SACM1L: variants seen among roughly 807,000 people sequenced by gnomAD.
The protein encoded by SACM1L is phosphatidylinositol-3-phosphatase SAC1.
A neutral mutation model predicts 89.5 loss-of-function variants in SACM1L; 32 were observed. That is an observed-to-expected ratio of 0.36 (90% CI 0.27 to 0.48). The LOEUF (loss-of-function observed/expected upper bound fraction) is 0.48. SACM1L is among the 20% of genes least tolerant of loss of function. The pLI is 0.99. For missense variants in SACM1L, 543 were observed against 708.5 expected (o/e 0.77, Z 2.65); for synonymous variants, 213 against 232.8 (o/e 0.92, Z 0.77).
intron 4 of SACM1L, among the ~76,000 whole-genome samples, chr3:45,707,635 G>A (rs1447203530): frequency 1.3e-5 from 2 of 152,166 alleles, no homozygotes; most frequent in South Asian, 4.1e-4. Context: ...TGGTGCAGGC[G>A]AACTGACCGA....
At chr3:45,743,133 TTA>T (rs1699351905) in intron 19 of SACM1L, among the ~76,000 whole-genome samples, 1 of 152,212 alleles carries the variant, frequency 6.6e-6, no homozygotes, top group Non-Finnish European at 1.5e-5. Context: ...CTCATATCTG[TTA>T]TAGAACTATG....
Position 45,735,356 on chromosome 3 carries a change from C to A in SACM1L, c.1222C>A (p.Leu408Ile). The part of the protein sequence containing the change: ...VIQSLLARRS[L>I]QAQLQRLGVL... ...CCAGAGTTTGTTAGCTCGTCGTTCACTTCAGGCCCAACTTCAGGTGCGAAT... is the reference window on the plus strand; with the variant it reads ...CCAGAGTTTGTTAGCTCGTCGTTCAATTCAGGCCCAACTTCAGGTGCGAAT... Residue 408 changes from leucine to isoleucine, a missense_variant, in exon 14 of 20, where the codon CTT becomes ATT. Physicochemically the swap from Leu to Ile is conservative, Grantham distance 5. Coordinates refer to ENST00000389061, the MANE Select transcript of SACM1L (RefSeq NM_014016.5). 2 of 1,540,592 alleles carry A rather than the reference C, an allele frequency of 1.3e-6. No individual in the cohort carries two copies. Among genetic ancestry groups the A allele is most frequent in the South Asian group, 2.5e-5 (2 of 80,980 alleles).
intron 11 of SACM1L, among the ~76,000 whole-genome samples, chr3:45,725,999 T>C (rs1698909677): frequency 6.6e-6 from 1 of 152,114 alleles, no homozygotes; most frequent in Non-Finnish European, 1.5e-5. Flanking sequence ...TGGTATGTTA[T>C]ACTGATGGAT....
Position 45,744,511 on chromosome 3 carries a change from A to G in SACM1L, c.*842A>G, listed in dbSNP as rs1699382935. The G allele has an allele frequency of 6.6e-6, 1 of 152,594 alleles. No homozygotes were observed. Among genetic ancestry groups the G allele is most frequent in the Non-Finnish European group, 1.5e-5 (1 of 68,034 alleles). 9.5% of individuals were successfully genotyped at this position (152,594 alleles called of 1,614,324 possible). ...GTTTCTTTGAGGGTCACTCATTGAG[A>G]CACGCAGGCCTCTGAGAGGGTCTTG... On this transcript the variant is annotated 3_prime_UTR_variant, in exon 20 of 20. Transcript: ENST00000389061.
chr3:45,743,154 TTAA>T lies in SACM1L; in HGVS notation c.1628-376_1628-374del, dbSNP rs529112340. Among the ~76,000 whole-genome samples, 175 of 152,350 alleles carry T rather than the reference TTAA, an allele frequency of 1.1e-3. 1 individual carries two copies. Among genetic ancestry groups the T allele is most frequent in the Non-Finnish European group, 2.1e-3 (145 of 68,046 alleles). On this transcript the variant is annotated intron_variant, in intron 19 of 19. Transcript: ENST00000389061. ...TCTGTTATAGAACTATGAATTAAAC[TTAA>T]TAGTTATTTGTATTATTAAAATATA...
At chr3:45,719,841 ATGT>A (rs1410171657) in intron 8 of SACM1L, among the ~76,000 whole-genome samples, 1 of 152,170 alleles carries the variant, frequency 6.6e-6, no homozygotes, top group Non-Finnish European at 1.5e-5. Flanking sequence ...GGAACTGATC[ATGT>A]TGTTTGCTGG....
At chr3:45,731,912 C>G in intron 12 of SACM1L, 141 bp from the exon 13 acceptor site, 1 of 565,500 alleles carries the variant, frequency 1.8e-6, no homozygotes, top group East Asian at 2.9e-5. Context: ...TAGTGATAAA[C>G]CCAGAGTGAA....
At chr3:45,695,368 C>A (rs1034988745) in intron 1 of SACM1L, among the ~76,000 whole-genome samples, 1 of 151,944 alleles carries the variant, frequency 6.6e-6, no homozygotes, top group Non-Finnish European at 1.5e-5. Context: ...TCAAGTGATT[C>A]TTGTGCCTCA....
At chr3:45,700,353 A>C (rs1575386358) in intron 1 of SACM1L, among the ~76,000 whole-genome samples, 1 of 152,236 alleles carries the variant, frequency 6.6e-6, no homozygotes, top group East Asian at 1.9e-4. Flanking sequence ...TATTATGAAG[A>C]AAATGGTTGT....
chr3:45,689,685 C>T (rs1697920950), intron 1 of SACM1L, 188 bp downstream of exon 1: 2 of 674,408 alleles, frequency 3.0e-6, no homozygotes, highest in East Asian at 5.5e-5. Context: ...CGGGAACCAG[C>T]GGCTCGCCGG....
chr3:45,729,967 A>G (rs1369421159), intron 11 of SACM1L, among the ~76,000 whole-genome samples: 4 of 151,674 alleles, frequency 2.6e-5, no homozygotes, highest in African/African-American at 9.7e-5. Flanking sequence ...TTGGCTTCTT[A>G]TAATAATTTT....
chr3:45,700,337 T>G (rs893522813), intron 1 of SACM1L, among the ~76,000 whole-genome samples: 10 of 152,324 alleles, frequency 6.6e-5, no homozygotes, highest in African/African-American at 2.2e-4. Context: ...GATGTAGACC[T>G]CTGAGTATTA....
intron 4 of SACM1L, 188 bp downstream of exon 4, chr3:45,707,095 T>TA: frequency 1.1e-5 from 3 of 283,230 alleles, no homozygotes; most frequent in Non-Finnish European, 1.9e-5. Flanking sequence ...GTTGCTCTTG[T>TA]TTTTTTTTTT....
At chr3:45,723,174 G>A (rs1020875998) in intron 10 of SACM1L, among the ~76,000 whole-genome samples, 1 of 152,138 alleles carries the variant, frequency 6.6e-6, no homozygotes, top group African/African-American at 2.4e-5. Context: ...GGCATGGCAA[G>A]TAAGGATTTG....
intron 1 of SACM1L, among the ~76,000 whole-genome samples, chr3:45,699,300 T>A (rs995384736): frequency 5.3e-5 from 8 of 150,392 alleles, no homozygotes; most frequent in Non-Finnish European, 1.2e-4. Context: ...AATAAATAAA[T>A]AAAAAAATAA....
rs571225761 is a variant in SACM1L, at chr3:45,706,655, T to C, written c.206-125T>C. ...TGTAAGGTTGCTTTAAAAATGGGCC[T>C]TTTATCTGAGTGGCACAATATAGTC... On this transcript the variant is annotated intron_variant, in intron 3 of 19. Coordinates refer to ENST00000389061, the MANE Select transcript of SACM1L (RefSeq NM_014016.5). The C allele has an allele frequency of 1.6e-4, 106 of 676,972 alleles. No individual in the cohort carries two copies. In the African/African-American group the frequency reaches 1.7e-3, roughly 11 times the overall value. 41.9% of individuals were successfully genotyped at this position (676,972 alleles called of 1,614,324 possible). A position where few individuals can be genotyped will look rare whatever the true frequency, so the allele number is the denominator to read the frequency against.
chr3:45,709,435 CT>C, intron 4 of SACM1L, 62 bp from the exon 5 acceptor site: 1 of 1,414,172 alleles, frequency 7.1e-7, no homozygotes, highest in Non-Finnish European at 9.7e-7. Context: ...AATTTGTATT[CT>C]TTTCTCATGC....
intron 4 of SACM1L, 65 bp from the exon 5 acceptor site, chr3:45,709,433 T>C: frequency 7.1e-7 from 1 of 1,403,528 alleles, no homozygotes; most frequent in South Asian, 1.3e-5. Flanking sequence ...TTAATTTGTA[T>C]TCTTTTCTCA....
At chr3:45,702,182 GT>G (rs140050245) in intron 1 of SACM1L, among the ~76,000 whole-genome samples, 1,674 of 152,278 alleles carry the variant, frequency 0.011, 27 homozygotes, top group African/African-American at 0.037. Flanking sequence ...TTATATTTGG[GT>G]AATTAAGGAT....
Sources: allele counts gnomAD v4.1 joint callset (sites outside exome capture counted in the v4.1 genomes callset), GRCh38; gene constraint gnomAD v4.1.1; transcripts MANE v1.5; gene names NCBI Gene and HGNC (gene_info 2026-07-23, HGNC 2026-07-21).